Variants in FAT1 observed in about 807,000 individuals in gnomAD.
FAT1 encodes FAT atypical cadherin 1, also known as protocadherin Fat 1.
FAT1 carries 171 observed loss-of-function variants against 329.8 expected under a neutral mutation model. The ratio of observed to expected loss-of-function variants is 0.52; its 90% CI spans 0.46 to 0.59. The LOEUF (loss-of-function observed/expected upper bound fraction) is 0.59. Among genes scored for constraint, FAT1 ranks in the 20% least tolerant of loss-of-function variants. FAT1 has a pLI of 0.00. For missense variants in FAT1, 5,672 were observed against 5,774.4 expected (o/e 0.98, Z 0.57); for synonymous variants, 2,233 against 2,228.6 (o/e 1.00, Z -0.06).
intron 4 of FAT1, among the ~76,000 whole-genome samples, chr4:186,638,969 T>TCAGGCCCAGG (rs1740971366): frequency 6.7e-6 from 1 of 149,602 alleles, no homozygotes; most frequent in Admixed American, 6.6e-5. Context: ...GGCCCAGAGA[T>TCAGGCCCAGG]CTCATCAACC....
intron 2 of FAT1, among the ~76,000 whole-genome samples, chr4:186,683,234 C>T (rs1372898743): frequency 2.0e-5 from 3 of 152,216 alleles, no homozygotes; most frequent in Admixed American, 6.5e-5. Context: ...GCCCTGTTTT[C>T]CTCCACAGCA....
Position 186,707,017 on chromosome 4 carries a change from T to G in FAT1, c.2811A>C (p.Arg937=). Residue 937 remains arginine, a synonymous_variant, in exon 2 of 27, where the codon CGA becomes CGC. Coordinates refer to ENST00000441802, the MANE Select transcript of FAT1 (RefSeq NM_005245.4). Reference sequence around the variant, plus strand: ...TGACGGTTCCTTCTGGAAGATCCTCTCGGACTTTCACACGATAATTAGGTG... The same window carrying G: ...TGACGGTTCCTTCTGGAAGATCCTCGCGGACTTTCACACGATAATTAGGTG... ...FIPPNYRVKV[R]EDLPEGTVIM... is the part of the protein sequence containing the mutation. 6.2e-7 allele frequency: 1 copy of G among 1,613,982 alleles called. No individual in the cohort carries two copies. The highest frequency in any genetic ancestry group is 8.5e-7 in the Non-Finnish European group (1 of 1,179,888).
rs2126503745 is a variant in FAT1, at chr4:186,619,260, A to T, written c.7326T>A (p.Ser2442Arg). Residue 2442 changes from serine (S) to arginine (R), a missense_variant, in exon 10 of 27, where the codon AGT becomes AGA. Around this residue, in one of 2 missense-constraint regions of FAT1, gnomAD observed 3,966 missense variants for 3,915.2 expected, o/e 1.01. Transcript: ENST00000441802. ...TTGAGAGGGTGATAATCCCTGTTGCACTGTCAATGACAAAATGTTTATGAT... is the reference window on the plus strand; with the variant it reads ...TTGAGAGGGTGATAATCCCTGTTGCTCTGTCAATGACAAAATGTTTATGAT... ...GNDHKHFVID[S>R]ATGIITLSNL... 1 of 1,613,998 alleles carries T rather than the reference A, an allele frequency of 6.2e-7. No individual in the cohort carries two copies. The highest frequency in any genetic ancestry group is 8.5e-7 in the Non-Finnish European group (1 of 1,179,896).
upstream of FAT1, chr4:186,726,536 C>T (rs1246641132): frequency 1.3e-5 from 2 of 152,226 alleles, no homozygotes; most frequent in Non-Finnish European, 2.9e-5. Context: ...GCCGCATCTC[C>T]GGAGGCTTCC....
chr4:186,707,266 G>A lies in FAT1; in HGVS notation c.2562C>T (p.Asn854=), dbSNP rs375036192. Residue 854 remains asparagine, a synonymous_variant, in exon 2 of 27, where the codon AAC becomes AAT. Coordinates refer to ENST00000441802, the MANE Select transcript of FAT1 (RefSeq NM_005245.4). ...VEATDKDLGP[N]GHVTYSIVTD... ...TAACAATTGAGTACGTCACGTGTCC[G>A]TTGGGCCCCAGGTCTTTATCTGTGG... The A allele has an allele frequency of 1.5e-4, 247 of 1,613,816 alleles. No homozygotes were observed. Among genetic ancestry groups the A allele is most frequent in the Non-Finnish European group, 2.0e-4 (233 of 1,179,898 alleles).
At chr4:186,638,967 G>GTCGTCAGGCTCAGGCTC (rs1740971168) in intron 4 of FAT1, among the ~76,000 whole-genome samples, 1 of 149,638 alleles carries the variant, frequency 6.7e-6, no homozygotes, top group Admixed American at 6.6e-5. Context: ...ACGGCCCAGA[G>GTCGTCAGGCTCAGGCTC]ATCTCATCAA....
intron 3 of FAT1, among the ~76,000 whole-genome samples, chr4:186,650,382 T>G (rs1741581284): frequency 6.6e-6 from 1 of 152,312 alleles, no homozygotes; most frequent in African/African-American, 2.4e-5. Context: ...TTAATAATTA[T>G]ACATTCTAGC....
At chr4:186,672,260 T>C (rs1277725258) in intron 2 of FAT1, among the ~76,000 whole-genome samples, 1 of 152,230 alleles carries the variant, frequency 6.6e-6, no homozygotes, top group African/African-American at 2.4e-5. Flanking sequence ...ATTTTATGTT[T>C]TTGATAATAA....
In FAT1 at chr4:186,587,832, C is replaced by T. The variant is rs1192544450; in HGVS notation, c.*760G>A. On this transcript the variant is annotated 3_prime_UTR_variant, in exon 27 of 27. Coordinates refer to ENST00000441802, the MANE Select transcript of FAT1 (RefSeq NM_005245.4). Reference sequence around the variant, plus strand: ...ATTTATTGTCAGTAAGAAAGACTGGCTAATGGTAGTTTTCATTAAAAACCT... The same window carrying T: ...ATTTATTGTCAGTAAGAAAGACTGGTTAATGGTAGTTTTCATTAAAAACCT... The T allele has an allele frequency of 4.8e-6, 1 of 206,272 alleles. No homozygotes were observed. The highest frequency in any genetic ancestry group is 2.3e-5 in the African/African-American group (1 of 43,736). 12.8% of individuals were successfully genotyped at this position (206,272 alleles called of 1,614,324 possible). A position where few individuals can be genotyped will look rare whatever the true frequency, so the allele number is the denominator to read the frequency against.
At position 186,600,437 on chromosome 4, in the gene FAT1, A is replaced by G. The variant is rs1227164512; in HGVS notation, c.11641-77T>C. 10 of 1,281,830 alleles carry G rather than the reference A, an allele frequency of 7.8e-6. No homozygotes were observed. The Admixed American group carries it at 2.2e-4, about 28-fold the overall frequency. The allele number at this position is 1,281,830 out of a possible 1,614,324, so 79.4% of individuals were successfully genotyped here. A position where few individuals can be genotyped will look rare whatever the true frequency, so the allele number is the denominator to read the frequency against. On this transcript the variant is annotated intron_variant, in intron 21 of 26. Coordinates refer to ENST00000441802, the MANE Select transcript of FAT1 (RefSeq NM_005245.4). ...GAGCACCTGATCACAAATCTACAGGAGAGGGCTTAGGGAGTGAGGGTAGAA... is the reference window on the plus strand; with the variant it reads ...GAGCACCTGATCACAAATCTACAGGGGAGGGCTTAGGGAGTGAGGGTAGAA...
rs1183931264 is a variant in FAT1, at chr4:186,636,790, T to C, written c.3767A>G (p.Glu1256Gly). Residue 1256 changes from glutamate to glycine, a missense_variant, in exon 5 of 27, where the codon GAG becomes GGG. Physicochemically the swap from Glu to Gly is moderately conservative, Grantham distance 98. Transcript: ENST00000441802. ...TCTTTCTCGGTCTGGCTTTTCCCGC[T>C]CAGGGAGTCTGATTTTGTAGAACTT... Reference protein sequence around the residue: ...LQKFYKIRLPEREKPDRERNA... With the variant: ...LQKFYKIRLPGREKPDRERNA... 6.2e-7 allele frequency: 1 copy of C among 1,613,898 alleles called. No homozygotes were observed. The highest frequency in any genetic ancestry group is 2.2e-5 in the East Asian group (1 of 44,888).
intron 2 of FAT1, among the ~76,000 whole-genome samples, chr4:186,703,692 G>A (rs990634465): frequency 6.6e-6 from 1 of 152,238 alleles, no homozygotes; most frequent in Non-Finnish European, 1.5e-5. Context: ...TGGGCAAGGA[G>A]CGAAGTTCCA....
intron 2 of FAT1, among the ~76,000 whole-genome samples, chr4:186,688,906 T>C (rs76059175): frequency 0.025 from 3,834 of 151,828 alleles, 183 homozygotes; most frequent in African/African-American, 0.089. Flanking sequence ...AAGCAGAAAA[T>C]CACCCCAGCA....
rs200546600 is a variant in FAT1 at position 186,612,129 on chromosome 4, T to A, written c.9464-354A>T. ...CGGCCAACGCTTTTTTTTTTTTTTT[T>A]AAAAACCAAACAAAATTTTTTTAGA... On this transcript the variant is annotated intron_variant, in intron 13 of 26. Coordinates refer to ENST00000441802, the MANE Select transcript of FAT1 (RefSeq NM_005245.4). Among the ~76,000 whole-genome samples the A allele has an allele frequency of 8.8e-3, 1,310 of 149,664 alleles. 7 individuals carry two copies. Among genetic ancestry groups the A allele is most frequent in the Admixed American group, 0.012 (174 of 15,016 alleles).
chr4:186,595,723 C>A lies in FAT1; in HGVS notation c.13104G>T (p.Leu4368=). The A allele has an allele frequency of 6.2e-7, 1 of 1,614,010 alleles. No homozygotes were observed. Among genetic ancestry groups the A allele is most frequent in the African/African-American group, 1.3e-5 (1 of 75,048 alleles). ...CGCACGATTCGGACTGGAAGGAGCT[C>A]AGAGACTGCACTTCAGACAGGCTTT... ...ARESLSEVQS[L]SSFQSESCDD... Residue 4368 remains leucine (L), a synonymous_variant, in exon 26 of 27, where the codon CTG becomes CTT. Transcript: ENST00000441802.
chr4:186,633,543 AT>A, intron 7 of FAT1, 140 bp downstream of exon 7: 1 of 762,310 alleles, frequency 1.3e-6, no homozygotes, highest in Non-Finnish European at 2.0e-6. Flanking sequence ...CTAAATAAAA[AT>A]TCTTAGTGTG....
chr4:186,649,962 G>A (rs951983101), intron 3 of FAT1, among the ~76,000 whole-genome samples: 1 of 152,164 alleles, frequency 6.6e-6, no homozygotes, highest in Non-Finnish European at 1.5e-5. Flanking sequence ...TAACACTGGT[G>A]AACAATTCCA....
intron 10 of FAT1, 78 bp from the exon 11 acceptor site, chr4:186,617,279 C>CA: frequency 1.0e-6 from 1 of 989,534 alleles, no homozygotes; most frequent in Non-Finnish European, 1.5e-6. Context: ...ATAAACTGTA[C>CA]AAAAGATGTA....
upstream of FAT1, among the ~76,000 whole-genome samples, chr4:186,725,983 G>T (rs1005848105): frequency 6.6e-6 from 1 of 152,242 alleles, no homozygotes; most frequent in African/African-American, 2.4e-5. The surrounding 1 kb of genome is among the most constrained non-coding windows in gnomAD (Gnocchi z 5.4). Flanking sequence ...ACAGAACCCT[G>T]CAAGGAGCGC....
Sources: gnomAD v4.1 joint callset for allele counts (sites outside exome capture counted in the v4.1 genomes callset) on GRCh38, gnomAD v4.1.1 for gene constraint, gnomAD v4.1.1 regional missense constraint, Gnocchi (gnomAD v3.1) non-coding constraint, MANE v1.5 for transcripts, NCBI Gene and HGNC (gene_info 2026-07-23, HGNC 2026-07-21) for gene names.